The following DPP10 variants were observed in gnomAD, a reference collection of about 807,000 sequenced individuals.
DPP10 encodes dipeptidyl peptidase like 10, also known as inactive dipeptidyl peptidase 10.
Under a neutral mutation model 120.9 loss-of-function variants are expected in DPP10, and 33 were observed. That is an observed-to-expected ratio of 0.27 (90% CI 0.21 to 0.37). The LOEUF is 0.37. DPP10 is among the 10% of genes least tolerant of loss of function. The pLI is 1.00. For missense variants in DPP10, 816 were observed against 942.8 expected (o/e 0.87, Z 1.76); for synonymous variants, 337 against 326.1 (o/e 1.03, Z -0.36).
At chr2:114,637,648 A>T (rs977245108) in intron 1 of DPP10, among the ~76,000 whole-genome samples, 15 of 151,788 alleles carry the variant, frequency 9.9e-5, no homozygotes, top group Admixed American at 7.9e-4. Context: ...ATCCATCTTG[A>T]GTTAATTTTT....
intron 1 of DPP10, among the ~76,000 whole-genome samples, chr2:114,608,092 A>G (rs780614251): frequency 2.6e-5 from 4 of 152,128 alleles, no homozygotes; most frequent in Non-Finnish European, 4.4e-5. Context: ...TTACTCCGTA[A>G]CTCTCCAAAC....
At chr2:115,800,891 T>C (rs1265978647) in intron 19 of DPP10, among the ~76,000 whole-genome samples, 1 of 152,032 alleles carries the variant, frequency 6.6e-6, no homozygotes, top group Non-Finnish European at 1.5e-5. Context: ...TTTGTTCTTT[T>C]GGCTTAGGAT....
chr2:115,097,179 G>A (rs199891244), intron 1 of DPP10, among the ~76,000 whole-genome samples: 136 of 138,482 alleles, frequency 9.8e-4, no homozygotes, highest in Middle Eastern at 3.8e-3. Flanking sequence ...AATAAATAAA[G>A]TCATAGTAGT....
At chr2:114,661,572 T>A (rs113768240) in intron 1 of DPP10, among the ~76,000 whole-genome samples, 49 of 152,216 alleles carry the variant, frequency 3.2e-4, no homozygotes, top group African/African-American at 1.1e-3. Context: ...CATTTCTCCA[T>A]CTTAGACATC....
chr2:114,776,386 T>C (rs1480560409), intron 1 of DPP10, among the ~76,000 whole-genome samples: 1 of 152,036 alleles, frequency 6.6e-6, no homozygotes, highest in Non-Finnish European at 1.5e-5. Flanking sequence ...GCTGCTTATG[T>C]AGAAGGAAAA....
intron 2 of DPP10, among the ~76,000 whole-genome samples, chr2:115,334,841 A>G (rs1007876144): frequency 2.8e-4 from 43 of 152,022 alleles, no homozygotes; most frequent in African/African-American, 8.9e-4. Flanking sequence ...TGATTTCTAT[A>G]TAAGTCTTCT....
At chr2:115,742,146 G>T (rs569227604) in intron 9 of DPP10, among the ~76,000 whole-genome samples, 1 of 151,944 alleles carries the variant, frequency 6.6e-6, no homozygotes, top group Non-Finnish European at 1.5e-5. Flanking sequence ...TTTTACAAAT[G>T]AGCAAATAGA....
At chr2:115,079,273 A>G (rs536366712) in intron 1 of DPP10, among the ~76,000 whole-genome samples, 1 of 152,202 alleles carries the variant, frequency 6.6e-6, no homozygotes, top group East Asian at 1.9e-4. Context: ...CAAGCTACTC[A>G]GGAGGCTGAG....
intron 19 of DPP10, among the ~76,000 whole-genome samples, chr2:115,799,502 T>C (rs13015706): frequency 2.2e-4 from 33 of 151,682 alleles, no homozygotes; most frequent in African/African-American, 7.5e-4. Context: ...CTTACATATG[T>C]ATACATGTGC....
chr2:114,981,927 T>C (rs1375323786), intron 1 of DPP10, among the ~76,000 whole-genome samples: 1 of 151,902 alleles, frequency 6.6e-6, no homozygotes, highest in Admixed American at 6.6e-5. Flanking sequence ...AGGGTCTCAC[T>C]CTGTCTCCCA....
rs1463789398 is a variant in DPP10, at chr2:115,711,188, G to A, written c.577-16628G>A. On this transcript the variant is annotated intron_variant, in intron 7 of 25. Transcript: ENST00000410059. ...GAGGGGAGTGAATAGTGGATTCGCT[G>A]TCTTAGAACCACAGTTTCTTAATTT... 2.6e-5 allele frequency among the ~76,000 whole-genome samples: 4 copies of A among 152,176 alleles called. No homozygotes were observed. The East Asian group carries it at 7.7e-4, about 29-fold the overall frequency.
At chr2:115,218,325 C>T (rs1040709363) in intron 1 of DPP10, among the ~76,000 whole-genome samples, 1 of 152,080 alleles carries the variant, frequency 6.6e-6, no homozygotes, top group South Asian at 2.1e-4. Context: ...GAAGGGTGAT[C>T]TCTTGTTACA....
At chr2:115,419,468 T>G (rs1252119801) in intron 3 of DPP10, among the ~76,000 whole-genome samples, 4 of 152,062 alleles carry the variant, frequency 2.6e-5, no homozygotes, top group African/African-American at 4.8e-5. Flanking sequence ...ATAACCTGAT[T>G]TCTAATGAGC....
intron 5 of DPP10, among the ~76,000 whole-genome samples, chr2:115,576,703 C>A (rs886732852): frequency 6.6e-6 from 1 of 152,082 alleles, no homozygotes; most frequent in African/African-American, 2.4e-5. Context: ...GTCTACATTA[C>A]CTCCTGAGAC....
intron 3 of DPP10, among the ~76,000 whole-genome samples, chr2:115,434,436 C>G (rs2071290082): frequency 6.6e-6 from 1 of 151,824 alleles, no homozygotes; most frequent in African/African-American, 2.4e-5. Flanking sequence ...GAGAAACTGC[C>G]AGTGCAGGCA....
At chr2:114,449,875 T>C (rs147810634) in intron 1 of DPP10, among the ~76,000 whole-genome samples, 2 of 152,296 alleles carry the variant, frequency 1.3e-5, no homozygotes, top group Non-Finnish European at 2.9e-5. Context: ...TAAAAATTCA[T>C]TTTGAAGTCA....
At chr2:114,572,236 A>C (rs1450534396) in intron 1 of DPP10, among the ~76,000 whole-genome samples, 1 of 152,118 alleles carries the variant, frequency 6.6e-6, no homozygotes, top group African/African-American at 2.4e-5. Context: ...GAAGTAACCA[A>C]ATTGTGACTC....
rs1418844699 is a variant in DPP10, at chr2:115,273,422, C to T, written c.61-35817C>T. Among the ~76,000 whole-genome samples the T allele has an allele frequency of 5.9e-5, 9 of 152,170 alleles. No individual in the cohort carries two copies. In the East Asian group the frequency reaches 1.2e-3, roughly 20 times the overall value. On this transcript the variant is annotated intron_variant, in intron 1 of 25. Coordinates refer to ENST00000410059, the MANE Select transcript of DPP10 (RefSeq NM_020868.6). ...AGTGATCTTGGCTCACTGCAAACTC[C>T]GCCTCCCGGGTTCACACTATTCTCC...
intron 1 of DPP10, among the ~76,000 whole-genome samples, chr2:115,241,432 A>G (rs2058274082): frequency 6.6e-6 from 1 of 152,188 alleles, no homozygotes; most frequent in Admixed American, 6.5e-5. Context: ...AGCATAATCC[A>G]TCTCATTGCT....
Sources: allele counts gnomAD v4.1 joint callset (sites outside exome capture counted in the v4.1 genomes callset), GRCh38; gene constraint gnomAD v4.1.1; transcripts MANE v1.5; gene names NCBI Gene and HGNC (gene_info 2026-07-23, HGNC 2026-07-21).